FOXN3: variants seen among roughly 807,000 people sequenced by gnomAD.
FOXN3 encodes the protein forkhead box protein N3.
Under a neutral mutation model 38.4 loss-of-function variants are expected in FOXN3, and 7 were observed. That is an observed-to-expected ratio of 0.18 (90% confidence interval 0.10 to 0.34). FOXN3 has a LOEUF of 0.34. Ranked by LOEUF, FOXN3 falls within the 10% of genes least tolerant of loss-of-function variation. The probability of loss-of-function intolerance (pLI) is 1.00; values close to 1 mark genes in which losing one functional copy is unlikely to be tolerated. For synonymous variants in FOXN3, 230 were observed against 242.2 expected (o/e 0.95, Z 0.47); for missense variants, 456 against 613.4 (o/e 0.74, Z 2.71).
intron 4 of FOXN3, chr14:89,230,831 G>A (rs1440780761): frequency 2.2e-6 from 1 of 455,670 alleles, no homozygotes; most frequent in Non-Finnish European, 4.4e-6. Context: ...ACAGTGTTCA[G>A]CCTTGTTTCT....
intron 3 of FOXN3, among the ~76,000 whole-genome samples, chr14:89,311,288 T>A (rs920677655): frequency 6.8e-6 from 1 of 147,798 alleles, no homozygotes; most frequent in Non-Finnish European, 1.5e-5. Context: ...CTGGCCAACA[T>A]GGTGAAACCC....
At chr14:89,478,854 C>A (rs1371464809) in intron 1 of FOXN3, among the ~76,000 whole-genome samples, 3 of 135,832 alleles carry the variant, frequency 2.2e-5, no homozygotes, top group Non-Finnish European at 4.6e-5. Context: ...ATCGCTTCAA[C>A]CCAGGAGGCG....
chr14:89,378,140 A>G (rs1890536567), intron 2 of FOXN3, among the ~76,000 whole-genome samples: 1 of 152,182 alleles, frequency 6.6e-6, no homozygotes, highest in African/African-American at 2.4e-5. Flanking sequence ...GATTTCCAGC[A>G]AAAGGAGAAA....
intron 1 of FOXN3, among the ~76,000 whole-genome samples, chr14:89,614,847 TG>T (rs1462543195): frequency 1.3e-5 from 2 of 152,220 alleles, no homozygotes; most frequent in East Asian, 3.8e-4. Flanking sequence ...TTGCAAGAAA[TG>T]GTTCCGTCTC....
At chr14:89,553,483 A>G (rs971492489) in intron 1 of FOXN3, among the ~76,000 whole-genome samples, 1 of 152,124 alleles carries the variant, frequency 6.6e-6, no homozygotes, top group African/African-American at 2.4e-5. Flanking sequence ...AGATTTAGAA[A>G]GCAAAACTCA....
intron 4 of FOXN3, chr14:89,230,927 G>T (rs1327773953): frequency 2.2e-6 from 1 of 453,954 alleles, no homozygotes; most frequent in African/African-American, 2.0e-5. Context: ...TTTGAGCCTC[G>T]CAGCAACCCT....
chr14:89,280,144 G>C (rs572326420), intron 4 of FOXN3, among the ~76,000 whole-genome samples: 1 of 152,216 alleles, frequency 6.6e-6, no homozygotes, highest in South Asian at 2.1e-4. Flanking sequence ...TAGAAAGCTC[G>C]AAGGCCCCGG....
chr14:89,413,757 G>C (rs1320170571), intron 1 of FOXN3, among the ~76,000 whole-genome samples: 2 of 142,514 alleles, frequency 1.4e-5, no homozygotes, highest in Non-Finnish European at 3.0e-5. Flanking sequence ...AGGGAAGGAA[G>C]AAGGGAAAGA....
intron 3 of FOXN3, among the ~76,000 whole-genome samples, chr14:89,295,412 T>C (rs139044231): frequency 9.2e-5 from 14 of 152,310 alleles, no homozygotes; most frequent in Non-Finnish European, 1.8e-4. Context: ...TGTCTCACCT[T>C]ACCTTGGCAG....
chr14:89,600,709 A>G (rs1896138358), intron 1 of FOXN3, among the ~76,000 whole-genome samples: 1 of 152,150 alleles, frequency 6.6e-6, no homozygotes, highest in Admixed American at 6.5e-5. Flanking sequence ...TTAACAGAGG[A>G]AGTTAACTAT....
intron 4 of FOXN3, among the ~76,000 whole-genome samples, chr14:89,207,342 A>G (rs1300394277): frequency 1.3e-5 from 2 of 152,252 alleles, no homozygotes; most frequent in Non-Finnish European, 2.9e-5. Context: ...AGATTAAAAA[A>G]AAAACAACTG....
At chr14:89,536,232 T>G (rs760158328) in intron 1 of FOXN3, among the ~76,000 whole-genome samples, 6 of 152,224 alleles carry the variant, frequency 3.9e-5, no homozygotes, top group Non-Finnish European at 7.3e-5. Context: ...ATCCTGGCTA[T>G]GCCACTAGTC....
At chr14:89,558,245 C>G (rs1895169127) in intron 1 of FOXN3, among the ~76,000 whole-genome samples, 1 of 152,076 alleles carries the variant, frequency 6.6e-6, no homozygotes, top group Admixed American at 6.5e-5. Flanking sequence ...GCCAGAAGCA[C>G]AAAAGGTAGG....
chr14:89,461,252 G>C (rs559513258), intron 1 of FOXN3, among the ~76,000 whole-genome samples: 1 of 151,572 alleles, frequency 6.6e-6, no homozygotes, highest in African/African-American at 2.4e-5. Context: ...CAGGAGAATC[G>C]CTTGAACCTG....
chr14:89,319,451 A>G (rs1362043071), intron 3 of FOXN3, among the ~76,000 whole-genome samples: 3 of 152,122 alleles, frequency 2.0e-5, no homozygotes, highest in African/African-American at 7.2e-5. Context: ...TTGCAAGGGA[A>G]GAGCCTCAGA....
intron 1 of FOXN3, among the ~76,000 whole-genome samples, chr14:89,511,240 T>C (rs1170010626): frequency 0.024 from 636 of 26,362 alleles, 115 homozygotes; most frequent in Middle Eastern, 0.056. Flanking sequence ...TTCTTTCCTT[T>C]TCTTTCTTTT....
intron 4 of FOXN3, among the ~76,000 whole-genome samples, chr14:89,235,505 G>C (rs1410692521): frequency 6.6e-6 from 1 of 152,204 alleles, no homozygotes; most frequent in Non-Finnish European, 1.5e-5. Context: ...ACTGTGAAAT[G>C]CTTCATCTGT....
At chr14:89,241,711 G>A (rs961190214) in intron 4 of FOXN3, among the ~76,000 whole-genome samples, 2 of 152,106 alleles carry the variant, frequency 1.3e-5, no homozygotes, top group African/African-American at 2.4e-5. Flanking sequence ...AGAATCCCAC[G>A]CTCCTGCCCT....
chr14:89,488,001 G>A (rs1893485107), intron 1 of FOXN3, among the ~76,000 whole-genome samples: 1 of 152,118 alleles, frequency 6.6e-6, no homozygotes, highest in South Asian at 2.1e-4. Context: ...GGGTAACCAG[G>A]TCTGGCTGAT....
Sources: gnomAD v4.1 joint callset for allele counts (sites outside exome capture counted in the v4.1 genomes callset) on GRCh38, gnomAD v4.1.1 for gene constraint, MANE v1.5 for transcripts, NCBI Gene and HGNC (gene_info 2026-07-23, HGNC 2026-07-21) for gene names.